PTPRT: variants seen among roughly 807,000 people sequenced by gnomAD.
The protein encoded by PTPRT is protein tyrosine phosphatase receptor type T.
A neutral mutation model predicts 176.8 loss-of-function variants in PTPRT; 56 were observed. That is an observed-to-expected ratio of 0.32 (90% CI 0.26 to 0.40). PTPRT has a LOEUF of 0.40. Among genes scored for constraint, PTPRT ranks in the 10% least tolerant of loss-of-function variants. The pLI, the probability that PTPRT is intolerant of heterozygous loss-of-function variation, is 1.00. For synonymous variants in PTPRT, 783 were observed against 739.0 expected, an observed-to-expected ratio of 1.06 and a Z score of -0.96; for missense variants, 1,540 against 1,908.2, an observed-to-expected ratio of 0.81 and a Z score of 3.60.
At position 42,534,146 on chromosome 20, in the gene PTPRT, T is replaced by C. The variant is rs77606977; in HGVS notation, c.1154-61584A>G. ...TTTTCTTCCTGTAGACCAGTGAGGG[T>C]GAGGGAAAGAAATCAGACAGGCTGT... On this transcript the variant is annotated intron_variant, in intron 7 of 30. Transcript: ENST00000373187. Among the ~76,000 whole-genome samples the C allele has an allele frequency of 8.0e-4, 122 of 152,048 alleles. 1 individual carries two copies. In the East Asian group the frequency reaches 0.022, roughly 27 times the overall value.
At chr20:42,146,441 A>G (rs979450391) in intron 17 of PTPRT, among the ~76,000 whole-genome samples, 3 of 152,172 alleles carry the variant, frequency 2.0e-5, no homozygotes, top group Admixed American at 2.0e-4. Flanking sequence ...TTGGGTTACC[A>G]TTAGCTTAAG....
intron 7 of PTPRT, among the ~76,000 whole-genome samples, chr20:42,585,602 A>G (rs780651570): frequency 1.3e-5 from 2 of 152,170 alleles, no homozygotes; most frequent in African/African-American, 2.4e-5. Context: ...AGGATTTTAC[A>G]TACATTGTTT....
intron 17 of PTPRT, among the ~76,000 whole-genome samples, chr20:42,157,423 G>A (rs1476215651): frequency 1.3e-5 from 2 of 149,730 alleles, no homozygotes; most frequent in African/African-American, 5.0e-5. Context: ...TCAGCTCACT[G>A]CAACCTGTGC....
chr20:42,746,662 A>G (rs935974891), intron 6 of PTPRT, among the ~76,000 whole-genome samples: 1 of 152,176 alleles, frequency 6.6e-6, no homozygotes, highest in South Asian at 2.1e-4. Context: ...AATAAAAGTT[A>G]AGACCAAAGA....
At chr20:42,422,789 C>T (rs941545536) in intron 9 of PTPRT, among the ~76,000 whole-genome samples, 6 of 152,134 alleles carry the variant, frequency 3.9e-5, no homozygotes, top group African/African-American at 1.4e-4. Context: ...CCAACAGAAT[C>T]AACCTAAATG....
intron 9 of PTPRT, among the ~76,000 whole-genome samples, chr20:42,402,258 A>G (rs2058915713): frequency 1.3e-5 from 2 of 151,984 alleles, no homozygotes; most frequent in South Asian, 2.1e-4. Context: ...TGTTAGCCTT[A>G]TATCTTTCCA....
At position 42,128,094 on chromosome 20, in the gene PTPRT, AGCT is replaced by A. The variant is rs779344413; in HGVS notation, c.2847+657_2847+659del. On this transcript the variant is annotated intron_variant, in intron 19 of 30. Transcript: ENST00000373187. ...CATATTCTCTGCTCCCCTCAAATGGAGCTGCTATGTATCTCCTGGCCAGTTGCT... is the reference window on the plus strand; with the variant it reads ...CATATTCTCTGCTCCCCTCAAATGGAGCTATGTATCTCCTGGCCAGTTGCT... Among the ~76,000 whole-genome samples, 110 of 152,088 alleles carry A rather than the reference AGCT, an allele frequency of 7.2e-4. 1 individual carries two copies. Among genetic ancestry groups the A allele is most frequent in the Non-Finnish European group, 1.3e-3 (88 of 68,022 alleles).
chr20:42,857,563 C>T (rs557800063), intron 2 of PTPRT, among the ~76,000 whole-genome samples: 1 of 152,266 alleles, frequency 6.6e-6, no homozygotes, highest in East Asian at 1.9e-4. Flanking sequence ...ACTATTTCCC[C>T]ACCCTCAGCT....
intron 1 of PTPRT, among the ~76,000 whole-genome samples, chr20:42,953,982 G>A (rs75237825): frequency 7.0e-4 from 106 of 152,220 alleles, no homozygotes; most frequent in African/African-American, 2.4e-3. Context: ...TCACTGCCCT[G>A]GATGGCTATA....
intron 1 of PTPRT, among the ~76,000 whole-genome samples, chr20:43,003,119 T>C (rs533340680): frequency 6.6e-6 from 1 of 152,220 alleles, no homozygotes; most frequent in African/African-American, 2.4e-5. Context: ...TTATAATATA[T>C]ATATCTTTCA....
intron 16 of PTPRT, among the ~76,000 whole-genome samples, chr20:42,181,429 T>C (rs111877877): frequency 2.0e-5 from 3 of 152,244 alleles, no homozygotes; most frequent in African/African-American, 7.2e-5. Flanking sequence ...AGGACAAAGA[T>C]ACAAGGATTA....
At chr20:42,483,818 G>A (rs147549171) in intron 7 of PTPRT, among the ~76,000 whole-genome samples, 2 of 152,212 alleles carry the variant, frequency 1.3e-5, no homozygotes, top group African/African-American at 2.4e-5. Context: ...CTTGCTTTAC[G>A]GTGCTAAGGC....
At chr20:42,246,487 G>A (rs973760607) in intron 14 of PTPRT, among the ~76,000 whole-genome samples, 1 of 152,182 alleles carries the variant, frequency 6.6e-6, no homozygotes, top group Admixed American at 6.5e-5. Context: ...GATTGGGTCT[G>A]ATGGACAGTT....
chr20:42,459,723 C>T (rs2070985951), intron 8 of PTPRT, among the ~76,000 whole-genome samples: 1 of 152,110 alleles, frequency 6.6e-6, no homozygotes, highest in African/African-American at 2.4e-5. Context: ...CAGGGTCTTG[C>T]TCTGTCACCC....
intron 7 of PTPRT, among the ~76,000 whole-genome samples, chr20:42,477,506 T>C (rs2071311711): frequency 6.6e-6 from 1 of 152,196 alleles, no homozygotes; most frequent in Admixed American, 6.5e-5. Flanking sequence ...AAACCTCATC[T>C]GCCAAACCCA....
At chr20:42,360,334 A>C (rs546638348) in intron 9 of PTPRT, among the ~76,000 whole-genome samples, 2 of 152,260 alleles carry the variant, frequency 1.3e-5, no homozygotes, top group African/African-American at 4.8e-5. Context: ...CCCCTGCCTC[A>C]CATGAGAGGG....
chr20:42,414,069 T>C (rs2059041873), intron 9 of PTPRT, among the ~76,000 whole-genome samples: 1 of 152,128 alleles, frequency 6.6e-6, no homozygotes, highest in East Asian at 1.9e-4. Flanking sequence ...TAACCTCAGG[T>C]GATCAGCCCG....
At chr20:42,194,728 C>T (rs754042493) in intron 16 of PTPRT, among the ~76,000 whole-genome samples, 5 of 152,156 alleles carry the variant, frequency 3.3e-5, no homozygotes, top group Admixed American at 6.5e-5. Context: ...AAACAATGCA[C>T]GTTGTTTGTC....
At chr20:43,081,713 A>G (rs965732952) in intron 1 of PTPRT, among the ~76,000 whole-genome samples, 1 of 152,210 alleles carries the variant, frequency 6.6e-6, no homozygotes, top group African/African-American at 2.4e-5. Flanking sequence ...CCTAGAATAT[A>G]ATCCATTTTT....
Sources: allele counts gnomAD v4.1 joint callset (sites outside exome capture counted in the v4.1 genomes callset), GRCh38; gene constraint gnomAD v4.1.1; transcripts MANE v1.5; gene names NCBI Gene and HGNC (gene_info 2026-07-23, HGNC 2026-07-21).